Variants in TBC1D19 observed in about 807,000 individuals in gnomAD.
TBC1D19 encodes TBC1 domain family member 19, also known as TBC1 domain family, member 19.
A neutral mutation model predicts 89.0 loss-of-function variants in TBC1D19; 60 were observed. The observed-to-expected ratio is 0.67, with a 90% CI of 0.55 to 0.84. TBC1D19 has a LOEUF of 0.84. Ranked by LOEUF, TBC1D19 falls within the 40% of genes least tolerant of loss-of-function variation. The pLI, the probability that TBC1D19 is intolerant of heterozygous loss-of-function variation, is 0.00. For synonymous variants in TBC1D19, 189 were observed against 199.7 expected (o/e 0.95, Z 0.45); for missense variants, 500 against 610.8 (o/e 0.82, Z 1.91).
the TBC1D19 span, among the ~76,000 whole-genome samples, chr4:26,838,905 T>A: frequency 6.6e-6 from 1 of 152,178 alleles, no homozygotes; most frequent in Non-Finnish European, 1.5e-5. Context: ...AACCTAAATA[T>A]GTTCATAATA....
At chr4:26,782,490 G>A in the TBC1D19 span, among the ~76,000 whole-genome samples, 2 of 152,150 alleles carry the variant, frequency 1.3e-5, no homozygotes, top group African/African-American at 2.4e-5. Context: ...CACGGGGCTT[G>A]AAAGTTGTCA....
At chr4:26,628,144 A>C (rs1029257964) in intron 4 of TBC1D19, among the ~76,000 whole-genome samples, 2 of 152,156 alleles carry the variant, frequency 1.3e-5, no homozygotes, top group African/African-American at 4.8e-5. Context: ...TAAATAGGGA[A>C]TCCTTTCCCC....
At chr4:26,797,563 C>T in the TBC1D19 span, among the ~76,000 whole-genome samples, 1 of 152,026 alleles carries the variant, frequency 6.6e-6, no homozygotes, top group African/African-American at 2.4e-5. Context: ...TCATAGGGAA[C>T]CAAAAAAGAG....
At chr4:26,809,186 G>A in the TBC1D19 span, among the ~76,000 whole-genome samples, 2 of 152,198 alleles carry the variant, frequency 1.3e-5, no homozygotes, top group Non-Finnish European at 2.9e-5. Context: ...GCTGTGAGAA[G>A]GGCATGTTGG....
At chr4:26,592,860 C>T (rs1739913608) in intron 1 of TBC1D19, among the ~76,000 whole-genome samples, 1 of 152,164 alleles carries the variant, frequency 6.6e-6, no homozygotes, top group Non-Finnish European at 1.5e-5. Flanking sequence ...GATGGAAGAA[C>T]ATTCCATGCT....
intron 4 of TBC1D19, among the ~76,000 whole-genome samples, chr4:26,632,291 AACT>A (rs1387243448): frequency 1.3e-5 from 2 of 151,916 alleles, no homozygotes; most frequent in Non-Finnish European, 2.9e-5. Flanking sequence ...CCCAAAACTT[AACT>A]ACTAATAGCC....
the TBC1D19 span, among the ~76,000 whole-genome samples, chr4:26,817,469 GA>G: frequency 6.6e-6 from 1 of 152,116 alleles, no homozygotes; most frequent in Non-Finnish European, 1.5e-5. Context: ...GCCCTTGGAG[GA>G]GCTGTTCAAC....
intron 9 of TBC1D19, among the ~76,000 whole-genome samples, chr4:26,668,986 T>TAC (rs3839171): frequency 0.03 from 4,374 of 146,968 alleles, 174 homozygotes; most frequent in African/African-American, 0.097. Flanking sequence ...TTTAAATACA[T>TAC]ACACACACAC....
At chr4:26,710,094 A>G (rs1447697276) in intron 13 of TBC1D19, among the ~76,000 whole-genome samples, 4 of 151,834 alleles carry the variant, frequency 2.6e-5, no homozygotes, top group Non-Finnish European at 5.9e-5. Flanking sequence ...GGTTTGTTAC[A>G]TATGTATACA....
intron 8 of TBC1D19, among the ~76,000 whole-genome samples, chr4:26,665,767 G>A (rs947738933): frequency 4.6e-5 from 7 of 152,078 alleles, no homozygotes; most frequent in Non-Finnish European, 1.0e-4. Context: ...TGCATACTGA[G>A]TGTTTGTATG....
the TBC1D19 span, among the ~76,000 whole-genome samples, chr4:26,793,996 A>G: frequency 6.6e-6 from 1 of 152,192 alleles, no homozygotes; most frequent in Non-Finnish European, 1.5e-5. Flanking sequence ...AACCCTGATT[A>G]GCTAGTCTTG....
chr4:26,704,152 GA>G (rs1715551549), intron 13 of TBC1D19, among the ~76,000 whole-genome samples: 1 of 152,000 alleles, frequency 6.6e-6, no homozygotes, highest in African/African-American at 2.4e-5. Context: ...TATTTTGCAT[GA>G]AATTCTTAAA....
chr4:26,765,251 G>T, the TBC1D19 span, among the ~76,000 whole-genome samples: 1 of 152,106 alleles, frequency 6.6e-6, no homozygotes. Flanking sequence ...TCTAAAATTG[G>T]CATTGAGGAG....
At chr4:26,835,318 G>C in the TBC1D19 span, among the ~76,000 whole-genome samples, 1 of 152,184 alleles carries the variant, frequency 6.6e-6, no homozygotes, top group Admixed American at 6.5e-5. Context: ...TTCTCCCCTA[G>C]AGCCTGCAGA....
chr4:26,679,323 G>A (rs923939325), intron 11 of TBC1D19, among the ~76,000 whole-genome samples: 2 of 152,172 alleles, frequency 1.3e-5, no homozygotes, highest in African/African-American at 4.8e-5. Flanking sequence ...ACTAAAAGGG[G>A]CCAAGATACA....
intron 1 of TBC1D19, among the ~76,000 whole-genome samples, chr4:26,601,166 CAT>C (rs1279887219): frequency 6.6e-6 from 1 of 151,598 alleles, no homozygotes; most frequent in Non-Finnish European, 1.5e-5. Context: ...TAGAGAGAGA[CAT>C]ATATAAGCAA....
intron 1 of TBC1D19, among the ~76,000 whole-genome samples, chr4:26,599,510 TCTC>T (rs1740453570): frequency 6.6e-6 from 1 of 152,200 alleles, no homozygotes; most frequent in African/African-American, 2.4e-5. Context: ...CATTAGCTCT[TCTC>T]TTAAACGTTG....
intron 1 of TBC1D19, among the ~76,000 whole-genome samples, chr4:26,602,166 T>C (rs1740653394): frequency 6.6e-6 from 1 of 152,238 alleles, no homozygotes; most frequent in Admixed American, 6.5e-5. Flanking sequence ...ATAGCTCTTG[T>C]GCTAGATCTT....
chr4:26,837,868 CAGTT>C, the TBC1D19 span, among the ~76,000 whole-genome samples: 5 of 152,074 alleles, frequency 3.3e-5, no homozygotes, highest in Non-Finnish European at 7.4e-5. Context: ...AGGACCAAGA[CAGTT>C]GGTGCTACAT....
Sources: allele counts gnomAD v4.1 joint callset (sites outside exome capture counted in the v4.1 genomes callset), GRCh38; gene constraint gnomAD v4.1.1; transcripts MANE v1.5; gene names NCBI Gene and HGNC (gene_info 2026-07-23, HGNC 2026-07-21).